The following VPS8 variants were observed in gnomAD, a reference collection of about 807,000 sequenced individuals.
VPS8 encodes vacuolar protein sorting-associated protein 8 homolog.
A neutral mutation model predicts 216.4 loss-of-function variants in VPS8; 129 were observed. The ratio of observed to expected loss-of-function variants is 0.60; its 90% CI spans 0.52 to 0.69. The LOEUF (loss-of-function observed/expected upper bound fraction) is 0.69, where lower values mean the gene tolerates loss of function less well. VPS8 is among the 30% of genes least tolerant of loss of function. The probability of loss-of-function intolerance (pLI) is 0.00; values close to 1 mark genes in which losing one functional copy is unlikely to be tolerated. For synonymous variants in VPS8, 571 were observed against 565.4 expected, an observed-to-expected ratio of 1.01 and a Z score of -0.14; for missense variants, 1,531 against 1,683.5, an observed-to-expected ratio of 0.91 and a Z score of 1.59.
chr3:184,946,087 T>C (rs778710805), intron 36 of VPS8, among the ~76,000 whole-genome samples: 16 of 152,142 alleles, frequency 1.1e-4, no homozygotes, highest in Non-Finnish European at 2.4e-4. Context: ...ATAGGAGCAG[T>C]TGGGGAAGTC....
At chr3:184,963,417 A>G (rs1346321705) in intron 37 of VPS8, among the ~76,000 whole-genome samples, 2 of 152,068 alleles carry the variant, frequency 1.3e-5, no homozygotes, top group African/African-American at 4.8e-5. Context: ...TAGTTACTTT[A>G]TAGTTTTTGT....
intron 44 of VPS8, among the ~76,000 whole-genome samples, chr3:184,999,345 C>T (rs1475609861): frequency 1.3e-5 from 2 of 152,226 alleles, no homozygotes; most frequent in East Asian, 1.9e-4. Flanking sequence ...AGGCGTGAGC[C>T]ACCACGCCCA....
intron 17 of VPS8, 88 bp from the exon 18 acceptor site, chr3:184,867,936 C>A: frequency 7.3e-7 from 1 of 1,366,162 alleles, no homozygotes; most frequent in Non-Finnish European, 1.0e-6. Flanking sequence ...AAAGGGATAT[C>A]AAATGAGATG....
At position 184,940,181 on chromosome 3, in the gene VPS8, T is replaced by C. The variant is rs975291014; in HGVS notation, c.2989-16T>C. 3.4e-6 allele frequency: 5 copies of C among 1,459,294 alleles called. No homozygotes were observed. The highest frequency in any genetic ancestry group is 2.8e-5 in the African/African-American group (2 of 70,976). The allele number at this position is 1,459,294 out of a possible 1,614,324, so 90.4% of individuals were successfully genotyped here. A position where few individuals can be genotyped will look rare whatever the true frequency, so the allele number is the denominator to read the frequency against. ...TTTTAATATTTAATTGTAATTTTTA[T>C]TGTTTTTCTGTTCAGAACCAGGTTT... is the stretch of plus-strand genomic sequence containing the variant. On this transcript the variant is annotated splice_polypyrimidine_tract_variant and intron_variant, in intron 35 of 47. Transcript: ENST00000625842.
rs375048106 is a variant in VPS8, at chr3:184,971,738, C to G, written c.3406C>G (p.Gln1136Glu). The G allele has an allele frequency of 3.9e-5, 63 of 1,612,602 alleles. No homozygotes were observed. The African/African-American group carries it at 7.9e-4, about 20-fold the overall frequency. Residue 1136 changes from glutamine to glutamate, a missense_variant, in exon 40 of 48, where the codon CAG (glutamine) becomes GAG (glutamate). By Grantham distance (29) the Gln-to-Glu change is conservative (BLOSUM62 2). Around this residue, in one of 3 missense-constraint regions of VPS8, gnomAD observed 1,318 missense variants for 1,468.4 expected, o/e 0.90. Transcript: ENST00000625842. ...LCQRNSHNLN[Q>E]QQREALWFPL... The stretch of plus-strand genomic sequence containing the variant: ...CCAGAGAAATTCACATAATTTGAAC[C>G]AGCAGCAACGTGAGGTAGGAGAATG...
At chr3:185,026,925 G>A (rs1757452375) in intron 46 of VPS8, among the ~76,000 whole-genome samples, 1 of 151,680 alleles carries the variant, frequency 6.6e-6, no homozygotes. Context: ...TGGCCATGAT[G>A]GTCTCAATCT....
chr3:185,000,759 C>T (rs1753306444), intron 45 of VPS8, among the ~76,000 whole-genome samples: 1 of 152,066 alleles, frequency 6.6e-6, no homozygotes, highest in African/African-American at 2.4e-5. Context: ...GTGCATGCCA[C>T]CATGCCCTGC....
intron 1 of VPS8, chr3:184,812,894 C>G (rs889947817): frequency 6.6e-6 from 1 of 152,218 alleles, no homozygotes. Context: ...GGGTGTCCAC[C>G]TCTTAGGATC....
rs1460005877 is a variant in VPS8, at chr3:184,936,274, C to T, written c.2927C>T (p.Ala976Val). ...CTCGTGTCCCTGAAGCCTTGTAAAG[C>T]TGCGGAGCTGGTTGCCACCCACTTT... ...EELVSLKPCK[A>V]AELVATHFSG... Residue 976 changes from alanine to valine, a missense_variant, in exon 35 of 48, where the codon GCT (alanine) becomes GTT (valine). Physicochemically the swap from Ala to Val is moderately conservative, Grantham distance 64. This residue lies in a region of VPS8 where 1,318 missense variants were observed against 1,468.4 expected (regional missense o/e 0.90). Coordinates refer to ENST00000625842, the MANE Select transcript of VPS8 (RefSeq NM_001009921.3). 6.2e-7 allele frequency: 1 copy of T among 1,611,194 alleles called. No homozygotes were observed. Among genetic ancestry groups the T allele is most frequent in the Admixed American group, 1.7e-5 (1 of 59,676 alleles).
At position 184,860,070 on chromosome 3, in the gene VPS8, GTAT is replaced by G. The variant is rs1164866551; in HGVS notation, c.1224+10_1224+12del. ...TATGACCTCATCAACTTTACCGTGA[GTAT>G]TATTCAAATTAAATATCCCCATTTA... On this transcript the variant is annotated splice_donor_region_variant and intron_variant, in intron 15 of 47. Transcript: ENST00000625842. 6.3e-7 allele frequency: 1 copy of G among 1,599,530 alleles called. No homozygotes were observed. Among genetic ancestry groups the G allele is most frequent in the African/African-American group, 1.3e-5 (1 of 74,568 alleles).
chr3:184,912,182 T>G (rs1464231416), intron 25 of VPS8, among the ~76,000 whole-genome samples: 1 of 152,250 alleles, frequency 6.6e-6, no homozygotes, highest in Non-Finnish European at 1.5e-5. Context: ...AGCGTTAGCC[T>G]TCTCTTTGGC....
At chr3:184,828,511 G>A (rs997019470) in intron 3 of VPS8, among the ~76,000 whole-genome samples, 3 of 152,002 alleles carry the variant, frequency 2.0e-5, no homozygotes, top group Non-Finnish European at 4.4e-5. Context: ...ATGAAAGAAT[G>A]TTACTAGGTA....
chr3:184,936,365 AAT>A, intron 35 of VPS8, 30 bp downstream of exon 35: 1 of 1,551,034 alleles, frequency 6.4e-7, no homozygotes, highest in South Asian at 1.2e-5. Flanking sequence ...ATTGGGGAAA[AAT>A]ATCTAGTGGA....
intron 20 of VPS8, 40 bp downstream of exon 20, chr3:184,869,568 G>T (rs1022433700): frequency 1.3e-5 from 21 of 1,603,122 alleles, no homozygotes; most frequent in Non-Finnish European, 1.7e-5. Context: ...ATACAGTGCA[G>T]ATTTGCTTTT....
intron 21 of VPS8, 148 bp from the exon 22 acceptor site, chr3:184,885,962 G>T: frequency 2.7e-6 from 2 of 743,026 alleles, no homozygotes; most frequent in South Asian, 2.1e-5. Context: ...TTCAGACTTT[G>T]ACACATAATG....
At chr3:185,021,790 G>A (rs1000128232) in intron 45 of VPS8, among the ~76,000 whole-genome samples, 5 of 152,164 alleles carry the variant, frequency 3.3e-5, no homozygotes, top group East Asian at 1.9e-4. Context: ...CTTGAATAGC[G>A]ATGGCGACAG....
intron 34 of VPS8, among the ~76,000 whole-genome samples, chr3:184,933,957 A>G (rs2109266872): frequency 6.6e-6 from 1 of 152,340 alleles, no homozygotes; most frequent in Middle Eastern, 3.4e-3. Flanking sequence ...TTTTAGAATC[A>G]ACTTATCAAG....
intron 44 of VPS8, 132 bp downstream of exon 44, chr3:184,996,633 C>A: frequency 2.0e-6 from 2 of 1,023,904 alleles, no homozygotes; most frequent in Non-Finnish European, 2.8e-6. Flanking sequence ...CCCTCACAGA[C>A]CTTACATTCT....
chr3:185,039,498 C>T (rs909837133), intron 46 of VPS8, among the ~76,000 whole-genome samples: 2 of 149,982 alleles, frequency 1.3e-5, no homozygotes, highest in African/African-American at 4.9e-5. Context: ...TAGCCTGATA[C>T]GTTAGAAGCC....
Sources: gnomAD v4.1 joint callset for allele counts (sites outside exome capture counted in the v4.1 genomes callset) on GRCh38, gnomAD v4.1.1 for gene constraint, gnomAD v4.1.1 regional missense constraint, MANE v1.5 for transcripts, NCBI Gene and HGNC (gene_info 2026-07-23, HGNC 2026-07-21) for gene names.